Variants in PRKRIP1 observed in about 807,000 individuals in gnomAD.
PRKRIP1 encodes PRKR interacting protein 1.
PRKRIP1 carries 29 observed loss-of-function variants against 29.3 expected under a neutral mutation model. The observed-to-expected ratio is 0.99, with a 90% CI of 0.74 to 1.35. PRKRIP1 has a LOEUF of 1.35. Among genes scored for constraint, PRKRIP1 ranks in the 40% most tolerant of loss-of-function variants. The pLI is 0.00. For missense variants in PRKRIP1, 247 were observed against 236.8 expected, an observed-to-expected ratio of 1.04 and a Z score of -0.28; for synonymous variants, 90 against 85.1, an observed-to-expected ratio of 1.06 and a Z score of -0.32.
At chr7:102,404,347 C>G in intron 3 of PRKRIP1, 1 of 411,482 alleles carries the variant, frequency 2.4e-6, no homozygotes. Flanking sequence ...GTATTGTCTC[C>G]TATATTGTGC....
chr7:102,411,987 G>A (rs782354455), intron 5 of PRKRIP1, among the ~76,000 whole-genome samples: 1 of 151,986 alleles, frequency 6.6e-6, no homozygotes, highest in Non-Finnish European at 1.5e-5. Flanking sequence ...CTGTCGCCCA[G>A]GCTGGAGTGC....
chr7:102,403,754 A>G (rs1200561502), intron 3 of PRKRIP1, among the ~76,000 whole-genome samples: 1 of 152,222 alleles, frequency 6.6e-6, no homozygotes, highest in Non-Finnish European at 1.5e-5. Flanking sequence ...GAGTAGACTG[A>G]GGCTTGGAGA....
At chr7:102,417,868 G>T (rs959465988) in intron 5 of PRKRIP1, among the ~76,000 whole-genome samples, 1 of 151,744 alleles carries the variant, frequency 6.6e-6, no homozygotes, top group Non-Finnish European at 1.5e-5. Flanking sequence ...CAGTCCCCCT[G>T]CCTCAGCCTC....
chr7:102,411,375 G>T (rs1447895318), intron 5 of PRKRIP1, among the ~76,000 whole-genome samples: 2 of 147,922 alleles, frequency 1.4e-5, no homozygotes, highest in Non-Finnish European at 3.0e-5. Context: ...CTGGCTGCTT[G>T]TTTTTTTTTT....
chr7:102,410,249 C>T (rs1366117568), intron 5 of PRKRIP1, among the ~76,000 whole-genome samples: 1 of 152,148 alleles, frequency 6.6e-6, no homozygotes, highest in Non-Finnish European at 1.5e-5. Flanking sequence ...TGGTGGCCCT[C>T]TAGAGTCCCA....
At chr7:102,399,035 TG>T (rs1695921564) in intron 2 of PRKRIP1, among the ~76,000 whole-genome samples, 1 of 152,284 alleles carries the variant, frequency 6.6e-6, no homozygotes, top group South Asian at 2.1e-4. Context: ...GGCAGGAGGA[TG>T]GCTTGAGCCC....
In PRKRIP1 at chr7:102,426,585, G is replaced by A. The variant is rs534402511; in HGVS notation, c.*1474G>A. 6.5e-5 allele frequency: 10 copies of A among 152,760 alleles called. No homozygotes were observed. The highest frequency in any genetic ancestry group is 2.2e-4 in the African/African-American group (9 of 41,532). 9.5% of individuals were successfully genotyped at this position (152,760 alleles called of 1,614,324 possible). On this transcript the variant is annotated 3_prime_UTR_variant, in exon 6 of 6. Coordinates refer to ENST00000397912, the MANE Select transcript of PRKRIP1 (RefSeq NM_024653.4). Reference sequence around the variant, plus strand: ...CTGTGATAGCTTCTGTCCCTTCATCGGTTCATGTCACAGGGATTTTCTTTC... The same window carrying A: ...CTGTGATAGCTTCTGTCCCTTCATCAGTTCATGTCACAGGGATTTTCTTTC...
chr7:102,423,132 T>TTTTTTTTTTTTTTTTA (rs1554573991), intron 5 of PRKRIP1: 1 of 453,062 alleles, frequency 2.2e-6, no homozygotes, highest in African/African-American at 2.0e-5. Context: ...TTTTTTTTTT[T>TTTTTTTTTTTTTTTTA]GAGACAGAGT....
intron 3 of PRKRIP1, among the ~76,000 whole-genome samples, chr7:102,402,572 A>AT (rs1256241685): frequency 4.6e-5 from 7 of 152,248 alleles, no homozygotes; most frequent in Non-Finnish European, 8.8e-5. Flanking sequence ...AACACTATAA[A>AT]TTCGTCTGAA....
chr7:102,402,568 A>G (rs782531492), intron 3 of PRKRIP1, among the ~76,000 whole-genome samples: 3 of 152,298 alleles, frequency 2.0e-5, no homozygotes, highest in Non-Finnish European at 2.9e-5. Context: ...CTCAAACACT[A>G]TAAATTCGTC....
intron 5 of PRKRIP1, among the ~76,000 whole-genome samples, chr7:102,411,985 C>T (rs1796397893): frequency 6.6e-6 from 1 of 152,030 alleles, no homozygotes; most frequent in Non-Finnish European, 1.5e-5. Context: ...CTCTGTCGCC[C>T]AGGCTGGAGT....
rs372085809 is a variant in PRKRIP1, at chr7:102,398,841, C to T, written c.206-707C>T. Among the ~76,000 whole-genome samples, 32 of 152,214 alleles carry T rather than the reference C, an allele frequency of 2.1e-4. 1 individual carries two copies. In the South Asian group the frequency reaches 6.6e-3, roughly 32 times the overall value. ...GCAATAGCATTATGTCTTTAAAAAG[C>T]AACATAGGCCAGGCACGGTGGCTCG... On this transcript the variant is annotated intron_variant, in intron 2 of 5. Transcript: ENST00000397912.
intron 5 of PRKRIP1, among the ~76,000 whole-genome samples, chr7:102,409,714 G>A (rs1554572304): frequency 6.6e-6 from 1 of 151,778 alleles, no homozygotes; most frequent in Admixed American, 6.6e-5. Flanking sequence ...GTCCTATCTA[G>A]TCTGGAGGCT....
At chr7:102,408,899 C>T (rs1352364222) in intron 5 of PRKRIP1, among the ~76,000 whole-genome samples, 1 of 151,914 alleles carries the variant, frequency 6.6e-6, no homozygotes. Context: ...ACAGGCCAGG[C>T]GTGGTGGCTC....
In PRKRIP1 at chr7:102,415,297, C is replaced by T. The variant is rs781857240; in HGVS notation, c.457+7799C>T. ...CATCACTCATGTTGGAGTGCAGTGGCGCCAGCTCAGCTCACTGCAACCTCC... is the reference window on the plus strand; with the variant it reads ...CATCACTCATGTTGGAGTGCAGTGGTGCCAGCTCAGCTCACTGCAACCTCC... On this transcript the variant is annotated intron_variant, in intron 5 of 5. Coordinates refer to ENST00000397912, the MANE Select transcript of PRKRIP1 (RefSeq NM_024653.4). Among the ~76,000 whole-genome samples the T allele has an allele frequency of 3.8e-4, 58 of 152,196 alleles. 1 individual carries two copies. The highest frequency in any genetic ancestry group is 2.0e-4 in the Admixed American group (3 of 15,286).
rs1167012102 is a variant in PRKRIP1 at position 102,426,076 on chromosome 7, T to A, written c.*965T>A. 3 of 152,888 alleles carry A rather than the reference T, an allele frequency of 2.0e-5. No homozygotes were observed. Among genetic ancestry groups the A allele is most frequent in the Non-Finnish European group, 4.4e-5 (3 of 68,248 alleles). 9.5% of individuals were successfully genotyped at this position (152,888 alleles called of 1,614,324 possible). ...CATGTGGCGCAGCCTCAAACTGGCA[T>A]CCAGGCACTGGGCCCATGCAGAGAA... On this transcript the variant is annotated 3_prime_UTR_variant, in exon 6 of 6. Transcript: ENST00000397912.
At chr7:102,421,869 G>C (rs1450529453) in intron 5 of PRKRIP1, among the ~76,000 whole-genome samples, 1 of 151,770 alleles carries the variant, frequency 6.6e-6, no homozygotes, top group Non-Finnish European at 1.5e-5. Flanking sequence ...AAAGCCTGTT[G>C]TTACCATTTA....
intron 5 of PRKRIP1, among the ~76,000 whole-genome samples, chr7:102,417,977 C>G (rs1390108984): frequency 1.3e-5 from 2 of 151,852 alleles, no homozygotes; most frequent in African/African-American, 4.8e-5. Context: ...GTTTCCTGCC[C>G]TGGACCTGGG....
chr7:102,399,570 T>C lies in PRKRIP1; in HGVS notation c.228T>C (p.Ser76=). 2 of 1,614,122 alleles carry C rather than the reference T, an allele frequency of 1.2e-6. No individual in the cohort carries two copies. The highest frequency in any genetic ancestry group is 1.3e-5 in the African/African-American group (1 of 75,056). ...CAGGTTCAAGTGCTGGGGCCGGCAG[T>C]GGAGAGTTCCACGTGTACAGACATC... The part of the protein sequence containing the change: ...DVMGSSAGAG[S]GEFHVYRHLR... Residue 76 remains serine, a synonymous_variant, in exon 3 of 6, where the codon AGT becomes AGC. Coordinates refer to ENST00000397912, the MANE Select transcript of PRKRIP1 (RefSeq NM_024653.4).
Sources: gnomAD v4.1 joint callset for allele counts (sites outside exome capture counted in the v4.1 genomes callset) on GRCh38, gnomAD v4.1.1 for gene constraint, MANE v1.5 for transcripts, NCBI Gene and HGNC (gene_info 2026-07-23, HGNC 2026-07-21) for gene names.